DSTYK: variants seen among roughly 807,000 people sequenced by gnomAD.
DSTYK encodes dual serine/threonine and tyrosine protein kinase.
DSTYK carries 34 observed loss-of-function variants against 98.7 expected under a neutral mutation model. That is an observed-to-expected ratio of 0.34 (90% CI 0.26 to 0.46). DSTYK has a LOEUF of 0.46. Among genes scored for constraint, DSTYK ranks in the 20% least tolerant of loss-of-function variants. The pLI is 1.00. For synonymous variants in DSTYK, 462 were observed against 457.3 expected (o/e 1.01, Z -0.13); for missense variants, 962 against 1,181.7 (o/e 0.81, Z 2.73).
intron 10 of DSTYK, among the ~76,000 whole-genome samples, chr1:205,151,140 A>G (rs1657390029): frequency 6.6e-6 from 1 of 152,212 alleles, no homozygotes; most frequent in Admixed American, 6.5e-5. Context: ...GGTATAAAAG[A>G]TAAAAAATGG....
At chr1:205,154,056 C>CGTGTGTGTGTGTGTGTGTGTGT (rs34909035) in intron 10 of DSTYK, among the ~76,000 whole-genome samples, 1 of 143,456 alleles carries the variant, frequency 7.0e-6, no homozygotes, top group African/African-American at 2.7e-5. Flanking sequence ...AGTATGCACA[C>CGTGTGTGTGTGTGTGTGTGTGT]GTGTGTGTGT....
At chr1:205,164,550 C>G (rs955155947) in intron 3 of DSTYK, among the ~76,000 whole-genome samples, 4 of 152,026 alleles carry the variant, frequency 2.6e-5, no homozygotes, top group African/African-American at 9.7e-5. Context: ...CAAGCTCCGC[C>G]TCCCGAGTTC....
intron 5 of DSTYK, 96 bp downstream of exon 5, chr1:205,162,827 C>G: frequency 1.0e-6 from 1 of 966,158 alleles, no homozygotes; most frequent in Non-Finnish European, 1.7e-6. Flanking sequence ...CCTGCCTTAA[C>G]AGAAGATCCT....
intron 2 of DSTYK, among the ~76,000 whole-genome samples, chr1:205,180,994 C>T (rs957016392): frequency 1.3e-5 from 2 of 152,208 alleles, no homozygotes; most frequent in Non-Finnish European, 1.5e-5. Flanking sequence ...GGATTACTGC[C>T]ATGAAGAATT....
chr1:205,144,853 T>C lies in DSTYK; in HGVS notation c.*2705A>G, dbSNP rs557099182. ...TCTGACAGCAAACTAAGCCGTGGGG[T>C]AAACTAAAAAGGGACTCTGGGTAGA... On this transcript the variant is annotated 3_prime_UTR_variant, in exon 13 of 13. Transcript: ENST00000367162. 1 of 151,992 alleles carries C rather than the reference T, an allele frequency of 6.6e-6. No individual in the cohort carries two copies. Among genetic ancestry groups the C allele is most frequent in the East Asian group, 1.9e-4 (1 of 5,168 alleles). 9.4% of individuals were successfully genotyped at this position (151,992 alleles called of 1,614,324 possible).
chr1:205,194,522 T>C (rs1424501069), intron 1 of DSTYK, among the ~76,000 whole-genome samples: 1 of 149,506 alleles, frequency 6.7e-6, no homozygotes, highest in Non-Finnish European at 1.5e-5. Context: ...ATTTCCCTCC[T>C]TCAGTAGTTT....
intron 1 of DSTYK, 127 bp downstream of exon 1, chr1:205,211,144 G>A (rs1659360825): frequency 1.2e-5 from 17 of 1,360,346 alleles, no homozygotes; most frequent in South Asian, 1.5e-5. Context: ...CGGGGACCCG[G>A]CCACACGACA....
At chr1:205,160,343 T>TC (rs1657680997) in intron 7 of DSTYK, 73 bp from the exon 8 acceptor site, 1 of 1,439,164 alleles carries the variant, frequency 6.9e-7, no homozygotes, top group Non-Finnish European at 9.5e-7. Context: ...AGATTCTTTT[T>TC]TTTTTTTTTT....
intron 11 of DSTYK, 113 bp from the exon 12 acceptor site, chr1:205,148,452 ATC>A: frequency 7.6e-7 from 1 of 1,319,798 alleles, no homozygotes; most frequent in Non-Finnish European, 1.0e-6. Context: ...AACAACTATT[ATC>A]TCTCAATAAC....
At position 205,211,401 on chromosome 1, in the gene DSTYK, C is replaced by T. The variant is rs770055080; in HGVS notation, c.135G>A (p.Leu45=). The T allele has an allele frequency of 1.9e-6, 3 of 1,611,382 alleles. No homozygotes were observed. Among genetic ancestry groups the T allele is most frequent in the East Asian group, 2.2e-5 (1 of 44,806 alleles). Residue 45 remains leucine, a synonymous_variant, in exon 1 of 13, where the codon CTG becomes CTA. Transcript: ENST00000367162. ...RRYLGRLRQN[L]RETQKFFRDI... is the part of the protein sequence containing the mutation. ...CGCGGAAGAACTTCTGGGTCTCGCG[C>T]AGGTTCTGTCGCAGCCGTCCCAGGT...
chr1:205,209,366 TC>T (rs1187645931), intron 1 of DSTYK, among the ~76,000 whole-genome samples: 3 of 152,168 alleles, frequency 2.0e-5, no homozygotes, highest in African/African-American at 7.2e-5. Context: ...GGGGATCGTC[TC>T]AGAAAACATT....
Position 205,187,577 on chromosome 1 carries a change from C to G in DSTYK, c.495G>C (p.Leu165=). 6.2e-7 allele frequency: 1 copy of G among 1,614,160 alleles called. No homozygotes were observed. The highest frequency in any genetic ancestry group is 8.5e-7 in the Non-Finnish European group (1 of 1,180,052). Residue 165 remains leucine (L), a synonymous_variant, in exon 2 of 13, where the codon CTG becomes CTC. Transcript: ENST00000367162. The part of the protein sequence containing the change: ...FTYGTQTRVS[L]ALPGQYELVH... ...CTAGTTCATACTGTCCAGGGAGCGC[C>G]AGGCTGACCCGAGTCTGAGTCCCAT... is the stretch of plus-strand genomic sequence containing the variant.
chr1:205,207,755 C>CAAAAAAAAAAAAAAAAAAAAAA (rs766036213), intron 1 of DSTYK, among the ~76,000 whole-genome samples: 2 of 52,728 alleles, frequency 3.8e-5, no homozygotes, highest in African/African-American at 1.0e-4. Context: ...GACTCTGTCT[C>CAAAAAAAAAAAAAAAAAAAAAA]AAAAAAAAAA....
At position 205,144,595 on chromosome 1, in the gene DSTYK, C is replaced by T. The variant is rs758880978; in HGVS notation, c.*2963G>A. 5.9e-5 allele frequency: 9 copies of T among 152,626 alleles called. No individual in the cohort carries two copies. The highest frequency in any genetic ancestry group is 1.9e-4 in the African/African-American group (8 of 41,442). The allele number at this position is 152,626 out of a possible 1,614,324, so 9.5% of individuals were successfully genotyped here. Reference sequence around the variant, plus strand: ...GCAAAGTATACACACTCTATACACACGTATACCTGCACTCAGCCTGCTGAG... The same window carrying T: ...GCAAAGTATACACACTCTATACACATGTATACCTGCACTCAGCCTGCTGAG... On this transcript the variant is annotated 3_prime_UTR_variant, in exon 13 of 13. Transcript: ENST00000367162.
At chr1:205,152,621 T>TTA (rs898714244) in intron 10 of DSTYK, among the ~76,000 whole-genome samples, 1 of 152,204 alleles carries the variant, frequency 6.6e-6, no homozygotes, top group East Asian at 1.9e-4. Context: ...TGAGTATCCC[T>TTA]TATCTGAAAG....
intron 1 of DSTYK, among the ~76,000 whole-genome samples, chr1:205,198,796 T>C (rs1266916475): frequency 6.7e-6 from 1 of 150,292 alleles, no homozygotes; most frequent in Non-Finnish European, 1.5e-5. Flanking sequence ...AAAAAAGATC[T>C]AAACTGAAAT....
Position 205,150,675 on chromosome 1 carries a change from C to T in DSTYK, c.2467+5G>A. 6.2e-7 allele frequency: 1 copy of T among 1,611,754 alleles called. No individual in the cohort carries two copies. The highest frequency in any genetic ancestry group is 1.1e-5 in the South Asian group (1 of 91,032). On this transcript the variant is annotated splice_donor_5th_base_variant and intron_variant, in intron 11 of 12. Coordinates refer to ENST00000367162, the MANE Select transcript of DSTYK (RefSeq NM_015375.3). This position sits in a 1 kb window ranked among gnomAD's most constrained non-coding sequence, Gnocchi z 4.1. ...CCAGACCCACTGCCTGCCCTCCAGC[C>T]TTACCTGTGAAAAGTTCAGGGGCCA...
At chr1:205,200,923 G>C (rs76547474) in intron 1 of DSTYK, among the ~76,000 whole-genome samples, 2 of 146,476 alleles carry the variant, frequency 1.4e-5, no homozygotes, top group South Asian at 4.3e-4. Context: ...TTTTTTTTTT[G>C]AGACAGAGTT....
intron 12 of DSTYK, 47 bp downstream of exon 12, chr1:205,148,158 T>C (rs761585446): frequency 1.2e-6 from 2 of 1,610,538 alleles, no homozygotes; most frequent in East Asian, 4.5e-5. Flanking sequence ...GGGCTCAGTC[T>C]GCGCTAGCCA....
Sources: allele counts gnomAD v4.1 joint callset (sites outside exome capture counted in the v4.1 genomes callset), GRCh38; gene constraint gnomAD v4.1.1; non-coding constraint Gnocchi (gnomAD v3.1); transcripts MANE v1.5; gene names NCBI Gene and HGNC (gene_info 2026-07-23, HGNC 2026-07-21).